Variants in LRP3 observed in about 807,000 individuals in gnomAD.
LRP3 encodes the protein LDL receptor related protein 3.
Under a neutral mutation model 58.5 loss-of-function variants are expected in LRP3, and 49 were observed. The ratio of observed to expected loss-of-function variants is 0.84; its 90% CI spans 0.67 to 1.06. The LOEUF is 1.06. Ranked by LOEUF, LRP3 falls within the 50% of genes least tolerant of loss-of-function variation. The probability of loss-of-function intolerance (pLI) is 0.00; values close to 1 mark genes in which losing one functional copy is unlikely to be tolerated. For missense variants in LRP3, 1,019 were observed against 1,134.2 expected (o/e 0.90, Z 1.46); for synonymous variants, 485 against 492.2 (o/e 0.99, Z 0.20).
rs35841076 is a variant in LRP3, at chr19:33,207,751, G to GGGT, written c.*176_*177insGGT. 73 of 482,380 alleles carry GGGT rather than the reference G, an allele frequency of 1.5e-4. No homozygotes were observed. Among genetic ancestry groups the GGGT allele is most frequent in the South Asian group, 1.4e-3 (64 of 46,584 alleles). 29.9% of individuals were successfully genotyped at this position (482,380 alleles called of 1,614,324 possible). On this transcript the variant is annotated 3_prime_UTR_variant, in exon 7 of 7. Coordinates refer to ENST00000253193, the MANE Select transcript of LRP3 (RefSeq NM_002333.4). ...TGGGCGGGAGCTGTGGGACTGAACG[G>GGGT]CGGGGGGGAGAAGAGTGGAGTGGTG...
At chr19:33,201,848 G>A (rs1398230311) in intron 2 of LRP3, among the ~76,000 whole-genome samples, 1 of 152,178 alleles carries the variant, frequency 6.6e-6, no homozygotes, top group Non-Finnish European at 1.5e-5. Context: ...TCACCACACT[G>A]CCCTGGATGG....
chr19:33,200,932 C>G (rs924071747), intron 2 of LRP3, among the ~76,000 whole-genome samples: 2 of 152,200 alleles, frequency 1.3e-5, no homozygotes, highest in African/African-American at 4.8e-5. Context: ...CTCTCACGAG[C>G]TGTCCGTGGG....
rs776000949 is a variant in LRP3, at chr19:33,205,497, G to A, written c.727G>A (p.Gly243Ser). 7 of 1,580,454 alleles carry A rather than the reference G, an allele frequency of 4.4e-6. No individual in the cohort carries two copies. The highest frequency in any genetic ancestry group is 1.1e-5 in the South Asian group (1 of 88,224). Reference sequence around the variant, plus strand: ...TGACGGCTTGCAGGACTGCGGCGACGGCTCGGATGAGGCGGGCTGCCCCGA... The same window carrying A: ...TGACGGCTTGCAGGACTGCGGCGACAGCTCGGATGAGGCGGGCTGCCCCGA... ...RCDGLQDCGD[G>S]SDEAGCPDLA... The change falls in exon 5 of 7, where the codon GGC (glycine) becomes AGC (serine). Residue 243 changes from glycine (G) to serine (S), a missense_variant. Transcript: ENST00000253193.
intron 3 of LRP3, chr19:33,204,340 G>A (rs1379894831): frequency 2.4e-5 from 10 of 416,496 alleles, no homozygotes; most frequent in Non-Finnish European, 3.9e-5. Context: ...GCTTCGGGCT[G>A]GGGGTACTGT....
At chr19:33,199,614 G>A (rs1418415371) in intron 2 of LRP3, among the ~76,000 whole-genome samples, 1 of 152,218 alleles carries the variant, frequency 6.6e-6, no homozygotes, top group Non-Finnish European at 1.5e-5. Flanking sequence ...ACCCGCTTTG[G>A]AGAAGAGCAA....
At chr19:33,196,590 G>A (rs1440828772) in intron 1 of LRP3, 140 bp from the exon 2 acceptor site, 3 of 724,144 alleles carry the variant, frequency 4.1e-6, no homozygotes, top group Admixed American at 4.3e-5. Flanking sequence ...GCAGTCTTGG[G>A]CTGCGCTCTG....
In LRP3 at chr19:33,205,998, G is replaced by C. The variant is rs1156444637; in HGVS notation, c.1228G>C (p.Glu410Gln). ...GWWHCASGRD[E>Q]QGCPACPPDQ... ...GTGGCATTGTGCCAGCGGCCGAGAC[G>C]AGCAGGGCTGCCCTGCCTGCCCGCC... Residue 410 changes from glutamate (E) to glutamine (Q), a missense_variant, in exon 5 of 7, where the codon GAG becomes CAG. By Grantham distance (29) the Glu-to-Gln change is conservative (BLOSUM62 2). This residue lies in a region of LRP3 where 592 missense variants were observed against 725.5 expected (regional missense o/e 0.82). Coordinates refer to ENST00000253193, the MANE Select transcript of LRP3 (RefSeq NM_002333.4). 6.3e-7 allele frequency: 1 copy of C among 1,576,350 alleles called. No homozygotes were observed. Among genetic ancestry groups the C allele is most frequent in the Non-Finnish European group, 8.6e-7 (1 of 1,161,340 alleles).
rs201831478 is a variant in LRP3 at position 33,202,993 on chromosome 19, G to A, written c.260+7G>A. 88 of 1,612,080 alleles carry A rather than the reference G, an allele frequency of 5.5e-5. No individual in the cohort carries two copies. The African/African-American group carries it at 1.1e-3, about 21-fold the overall frequency. On this transcript the variant is annotated splice_region_variant and intron_variant, in intron 3 of 6. Transcript: ENST00000253193. ...GTGACATGATTACCATCAGGTAGGG[G>A]CACCCGGGGGTGTCGGAAGGAATCA...
intron 6 of LRP3, 21 bp from the exon 7 acceptor site, chr19:33,206,967 C>G: frequency 6.9e-7 from 1 of 1,454,468 alleles, no homozygotes; most frequent in Non-Finnish European, 9.1e-7. Context: ...CCCCCCGCCC[C>G]TACCCTGCTC....
chr19:33,205,446 C>G lies in LRP3; in HGVS notation c.676C>G (p.Arg226Gly), dbSNP rs770924496. The stretch of plus-strand genomic sequence containing the variant: ...CCCATGCAGCGGGGCGCGCTCCACG[C>G]GCTGCCTGCCTGTGGAGCGGCGCTG... ...TFPCSGARST[R>G]CLPVERRCDG... Residue 226 changes from arginine (R) to glycine (G), a missense_variant, in exon 5 of 7, where the codon CGC becomes GGC. This residue lies in a region of LRP3 where 592 missense variants were observed against 725.5 expected (regional missense o/e 0.82). Coordinates refer to ENST00000253193, the MANE Select transcript of LRP3 (RefSeq NM_002333.4). The G allele has an allele frequency of 1.3e-6, 2 of 1,586,902 alleles. No homozygotes were observed. The highest frequency in any genetic ancestry group is 1.7e-6 in the Non-Finnish European group (2 of 1,168,272).
chr19:33,198,338 G>A (rs143754156), intron 2 of LRP3, among the ~76,000 whole-genome samples: 1 of 152,292 alleles, frequency 6.6e-6, no homozygotes, highest in African/African-American at 2.4e-5. Context: ...TCCAACGGCT[G>A]CTGTTCACCC....
rs1974419231 is a variant in LRP3, at chr19:33,206,816, A to G, written c.1725+83A>G. 5 of 1,416,690 alleles carry G rather than the reference A, an allele frequency of 3.5e-6. No homozygotes were observed. In the Admixed American group the frequency reaches 1.2e-4, roughly 35 times the overall value. 87.8% of individuals were successfully genotyped at this position (1,416,690 alleles called of 1,614,324 possible). A position where few individuals can be genotyped will look rare whatever the true frequency, so the allele number is the denominator to read the frequency against. On this transcript the variant is annotated intron_variant, in intron 6 of 6. Transcript: ENST00000253193. ...AGGCTGGTCCAGGGGTCACAGGAGC[A>G]GGAGGCAAGGCCTGCGCAGGGTGAC... is the stretch of plus-strand genomic sequence containing the variant.
At chr19:33,201,599 G>A (rs1422370794) in intron 2 of LRP3, among the ~76,000 whole-genome samples, 1 of 152,192 alleles carries the variant, frequency 6.6e-6, no homozygotes, top group Non-Finnish European at 1.5e-5. Context: ...AGGTCACGGT[G>A]CCAGGGGCCA....
chr19:33,204,329 G>A lies in LRP3; in HGVS notation c.261-309G>A, dbSNP rs1599935913. The A allele has an allele frequency of 1.1e-5, 4 of 376,276 alleles. No individual in the cohort carries two copies. The South Asian group carries it at 1.4e-4, about 13-fold the overall frequency. 23.3% of individuals were successfully genotyped at this position (376,276 alleles called of 1,614,324 possible). ...GGCTCTTGACTTCCTGCTCCACTTC[G>A]GCTTCGGGCTGGGGGTACTGTGTGC... On this transcript the variant is annotated intron_variant, in intron 3 of 6. Transcript: ENST00000253193.
intron 2 of LRP3, among the ~76,000 whole-genome samples, chr19:33,197,539 A>T (rs1361420487): frequency 6.6e-6 from 1 of 152,210 alleles, no homozygotes; most frequent in Non-Finnish European, 1.5e-5. Context: ...AGGCAGGATG[A>T]TTGCTTGAGC....
chr19:33,208,777 C>G lies in LRP3; in HGVS notation c.*1202C>G. ...CTTCCTTAAACAGGCTTCTGAGAGT[C>G]GTATCTTTTTTCTTTTTTTTCCAGA... is the stretch of plus-strand genomic sequence containing the variant. On this transcript the variant is annotated 3_prime_UTR_variant, in exon 7 of 7. Coordinates refer to ENST00000253193, the MANE Select transcript of LRP3 (RefSeq NM_002333.4). This position sits in a 1 kb window ranked among gnomAD's most constrained non-coding sequence, Gnocchi z 4.7. The G allele has an allele frequency of 7.1e-7, 1 of 1,415,164 alleles. No homozygotes were observed. Among genetic ancestry groups the G allele is most frequent in the Non-Finnish European group, 9.8e-7 (1 of 1,019,506 alleles). The allele number at this position is 1,415,164 out of a possible 1,614,324, so 87.7% of individuals were successfully genotyped here.
chr19:33,195,659 G>A (rs1462660859), intron 1 of LRP3, among the ~76,000 whole-genome samples: 1 of 152,228 alleles, frequency 6.6e-6, no homozygotes, highest in Non-Finnish European at 1.5e-5. Flanking sequence ...AAATGACAAA[G>A]TAATCACCCC....
chr19:33,194,662 GGAGCCCGAGCCCTAGCCCGAGCCC>G lies in LRP3; in HGVS notation c.-112_-89del, dbSNP rs1365950910. On this transcript the variant is annotated 5_prime_UTR_variant, in exon 1 of 7. Coordinates refer to ENST00000253193, the MANE Select transcript of LRP3 (RefSeq NM_002333.4). ...CCGGGCCGCAGCAGCCACGCCAGCC[GGAGCCCGAGCCCTAGCCCGAGCCC>G]GAGCCCGAGCCGCAGCCAGAGCCAG... 6 of 191,328 alleles carry G rather than the reference GGAGCCCGAGCCCTAGCCCGAGCCC, an allele frequency of 3.1e-5. No individual in the cohort carries two copies. Among genetic ancestry groups the G allele is most frequent in the African/African-American group, 5.0e-5 (2 of 39,794 alleles). 11.9% of individuals were successfully genotyped at this position (191,328 alleles called of 1,614,324 possible).
chr19:33,204,127 G>A (rs1974372877), intron 3 of LRP3: 1 of 163,478 alleles, frequency 6.1e-6, no homozygotes, highest in Non-Finnish European at 1.3e-5. Context: ...TTCAGGGCCA[G>A]TGTATCTCCG....
Sources: gnomAD v4.1 joint callset for allele counts (sites outside exome capture counted in the v4.1 genomes callset) on GRCh38, gnomAD v4.1.1 for gene constraint, gnomAD v4.1.1 regional missense constraint, Gnocchi (gnomAD v3.1) non-coding constraint, MANE v1.5 for transcripts, NCBI Gene and HGNC (gene_info 2026-07-23, HGNC 2026-07-21) for gene names.